Variants in OPRPN observed in about 807,000 individuals in gnomAD.
OPRPN encodes the protein opiorphin prepropeptide, also known as basic proline-rich lacrimal protein.
OPRPN carries 1 observed loss-of-function variant against 2.2 expected under a neutral mutation model. The observed-to-expected ratio is 0.45, with a 90% CI of 0.16 to 2.15. OPRPN has a LOEUF of 2.15. Among genes scored for constraint, OPRPN ranks in the 30% most tolerant of loss-of-function variants. The pLI, the probability that OPRPN is intolerant of heterozygous loss-of-function variation, is 0.28. For synonymous variants in OPRPN, 126 were observed against 111.5 expected, an observed-to-expected ratio of 1.13 and a Z score of -0.82; for missense variants, 306 against 297.3, an observed-to-expected ratio of 1.03 and a Z score of -0.21.
rs751440520 is a variant in OPRPN at position 70,409,594 on chromosome 4, C to G, written c.266C>G (p.Pro89Arg). The G allele has an allele frequency of 4.1e-5, 66 of 1,613,640 alleles. No homozygotes were observed. Among genetic ancestry groups the G allele is most frequent in the Non-Finnish European group, 5.0e-5 (59 of 1,179,686 alleles). The change falls in exon 3 of 3, where the codon CCA becomes CGA. Residue 89 changes from proline to arginine, a missense_variant. Pro to Arg is a moderately radical substitution (Grantham distance 103). Transcript: ENST00000399575. Reference sequence around the variant, plus strand: ...GCAGTCATTCTATCTCAACTCTTTCCATTGGAATCTATTAGACAACCTCGA... The same window carrying G: ...GCAGTCATTCTATCTCAACTCTTTCGATTGGAATCTATTAGACAACCTCGA... ...SQAVILSQLF[P>R]LESIRQPRLF... is the part of the protein sequence containing the mutation.
At chr4:70,405,225 AG>A (rs1190594814) in intron 2 of OPRPN, among the ~76,000 whole-genome samples, 1 of 152,192 alleles carries the variant, frequency 6.6e-6, no homozygotes, top group East Asian at 1.9e-4. Context: ...TCATTTGTCT[AG>A]GGTTATAATG....
intron 2 of OPRPN, among the ~76,000 whole-genome samples, chr4:70,405,741 G>C (rs1733074340): frequency 6.6e-6 from 1 of 152,010 alleles, no homozygotes; most frequent in Non-Finnish European, 1.5e-5. Context: ...AATTTCATTT[G>C]AGTCCACATT....
intron 2 of OPRPN, among the ~76,000 whole-genome samples, chr4:70,406,907 CAATA>C (rs1367361901): frequency 1.3e-5 from 2 of 152,100 alleles, no homozygotes; most frequent in African/African-American, 4.8e-5. Context: ...GCCAGGTTCT[CAATA>C]AATGTTTTCT....
Position 70,409,800 on chromosome 4 carries a change from C to T in OPRPN, c.472C>T (p.Pro158Ser). ...AGATACAACAATCACCACAAATCCC[C>T]CCACCACTGCAACAGCAACCACCAG... is the stretch of plus-strand genomic sequence containing the variant. ...TADTTITTNP[P>S]TTATATTSTS... is the part of the protein sequence containing the mutation. Residue 158 changes from proline to serine, a missense_variant, in exon 3 of 3, where the codon CCC becomes TCC. Pro to Ser is a moderately conservative substitution (Grantham distance 74). Coordinates refer to ENST00000399575, the MANE Select transcript of OPRPN (RefSeq NM_021225.5). The T allele has an allele frequency of 3.7e-6, 6 of 1,613,258 alleles. No homozygotes were observed. The highest frequency in any genetic ancestry group is 5.1e-6 in the Non-Finnish European group (6 of 1,179,568).
chr4:70,401,974 TA>T (rs919530674), intron 2 of OPRPN, among the ~76,000 whole-genome samples: 5 of 151,980 alleles, frequency 3.3e-5, no homozygotes, highest in Admixed American at 6.6e-5. Flanking sequence ...AATAGAAGTT[TA>T]AAAAAAGTAA....
At chr4:70,404,542 C>T (rs768436676) in intron 2 of OPRPN, among the ~76,000 whole-genome samples, 6 of 152,188 alleles carry the variant, frequency 3.9e-5, no homozygotes, top group Non-Finnish European at 8.8e-5. Flanking sequence ...CACCCTCCTG[C>T]TACCATTCTA....
At position 70,409,980 on chromosome 4, in the gene OPRPN, A is replaced by G. The variant is rs2109773943; in HGVS notation, c.652A>G (p.Asn218Asp). The change falls in exon 3 of 3, where the codon AAT (asparagine) becomes GAT (aspartate). Residue 218 changes from asparagine (N) to aspartate (D), a missense_variant. Transcript: ENST00000399575. ...CAACCGTCCTCACACAGTATTGCTCAATGCCACTGTCCAAGTTACGACTTC... is the reference window on the plus strand; with the variant it reads ...CAACCGTCCTCACACAGTATTGCTCGATGCCACTGTCCAAGTTACGACTTC... ...LANRPHTVLL[N>D]ATVQVTTSNQ... 3 of 1,613,162 alleles carry G rather than the reference A, an allele frequency of 1.9e-6. No homozygotes were observed. Among genetic ancestry groups the G allele is most frequent in the Admixed American group, 1.7e-5 (1 of 59,890 alleles).
At position 70,409,686 on chromosome 4, in the gene OPRPN, T is replaced by C. The variant is rs1163063172; in HGVS notation, c.358T>C (p.Leu120=). ...TTACTATGTAGGACCTATTAGGATA[T>C]TAAAACCCCCATTTCCTCCTATTCC... The part of the protein sequence containing the change: ...RPYYVGPIRI[L]KPPFPPIPFF... Residue 120 remains leucine, a synonymous_variant, in exon 3 of 3, where the codon TTA becomes CTA. Transcript: ENST00000399575. 6.2e-7 allele frequency: 1 copy of C among 1,613,862 alleles called. No individual in the cohort carries two copies. The highest frequency in any genetic ancestry group is 1.1e-5 in the South Asian group (1 of 91,044).
At chr4:70,408,092 A>G (rs1560534334) in intron 2 of OPRPN, among the ~76,000 whole-genome samples, 1 of 152,196 alleles carries the variant, frequency 6.6e-6, no homozygotes, top group Non-Finnish European at 1.5e-5. Context: ...TGTTGCTACC[A>G]TTAGAGATTG....
In OPRPN at chr4:70,410,114, C is replaced by G. The variant is rs1733196186; in HGVS notation, c.*39C>G. The stretch of plus-strand genomic sequence containing the variant: ...GATATTTTCCAAACTGCTCTGATAT[C>G]TTAGAAGAAATAAACTGCAATGATT... On this transcript the variant is annotated 3_prime_UTR_variant, in exon 3 of 3. Coordinates refer to ENST00000399575, the MANE Select transcript of OPRPN (RefSeq NM_021225.5). The G allele has an allele frequency of 1.4e-6, 2 of 1,425,046 alleles. No individual in the cohort carries two copies. The highest frequency in any genetic ancestry group is 1.9e-6 in the Non-Finnish European group (2 of 1,056,064). The allele number at this position is 1,425,046 out of a possible 1,614,324, so 88.3% of individuals were successfully genotyped here. A position where few individuals can be genotyped will look rare whatever the true frequency, so the allele number is the denominator to read the frequency against.
rs1733180627 is a variant in OPRPN, at chr4:70,409,790, C to T, written c.462C>T (p.Thr154=). 6.2e-7 allele frequency: 1 copy of T among 1,613,552 alleles called. No individual in the cohort carries two copies. Among genetic ancestry groups the T allele is most frequent in the Admixed American group, 1.7e-5 (1 of 59,934 alleles). The change falls in exon 3 of 3, where the codon ACC becomes ACT. Residue 154 remains threonine (T), a synonymous_variant. Transcript: ENST00000399575. ...INITTADTTI[T]TNPPTTATAT... ...TCACCACCGCAGATACAACAATCAC[C>T]ACAAATCCCCCCACCACTGCAACAG...
Position 70,409,985 on chromosome 4 carries a change from C to T in OPRPN, c.657C>T (p.Ala219=), listed in dbSNP as rs1229111190. 6.2e-7 allele frequency: 1 copy of T among 1,613,622 alleles called. No individual in the cohort carries two copies. The highest frequency in any genetic ancestry group is 1.7e-5 in the Admixed American group (1 of 59,932). ...GTCCTCACACAGTATTGCTCAATGC[C>T]ACTGTCCAAGTTACGACTTCCAACC... ...ANRPHTVLLN[A]TVQVTTSNQT... Residue 219 remains alanine (A), a synonymous_variant, in exon 3 of 3, where the codon GCC becomes GCT. Coordinates refer to ENST00000399575, the MANE Select transcript of OPRPN (RefSeq NM_021225.5).
intron 2 of OPRPN, among the ~76,000 whole-genome samples, chr4:70,404,712 TC>T (rs1290091315): frequency 1.3e-5 from 2 of 152,210 alleles, no homozygotes; most frequent in African/African-American, 4.8e-5. Context: ...CTAATGGTTT[TC>T]CATAAGACTT....
chr4:70,405,824 G>A (rs1378739707), intron 2 of OPRPN, among the ~76,000 whole-genome samples: 1 of 152,076 alleles, frequency 6.6e-6, no homozygotes, highest in Non-Finnish European at 1.5e-5. Flanking sequence ...CGCATTTTGG[G>A]AGGCCAAGGC....
chr4:70,409,696 C>T lies in OPRPN; in HGVS notation c.368C>T (p.Pro123Leu). Residue 123 changes from proline to leucine, a missense_variant, in exon 3 of 3, where the codon CCA becomes CTA. Pro to Leu is a moderately conservative substitution (Grantham distance 98). Transcript: ENST00000399575. ...YVGPIRILKP[P>L]FPPIPFFLAI... ...GGACCTATTAGGATATTAAAACCCC[C>T]ATTTCCTCCTATTCCTTTTTTTCTT... 2 of 1,613,596 alleles carry T rather than the reference C, an allele frequency of 1.2e-6. No homozygotes were observed. Among genetic ancestry groups the T allele is most frequent in the Non-Finnish European group, 1.7e-6 (2 of 1,179,666 alleles).
At chr4:70,404,300 C>T (rs1187857482) in intron 2 of OPRPN, among the ~76,000 whole-genome samples, 2 of 152,156 alleles carry the variant, frequency 1.3e-5, no homozygotes, top group East Asian at 3.8e-4. Flanking sequence ...TCAATGACGA[C>T]TCCTTGTTGG....
chr4:70,406,386 A>T (rs1733090591), intron 2 of OPRPN, among the ~76,000 whole-genome samples: 1 of 152,238 alleles, frequency 6.6e-6, no homozygotes, highest in Non-Finnish European at 1.5e-5. Context: ...ATATCAAAAC[A>T]AACAATTACT....
At chr4:70,399,464 C>T in intron 2 of OPRPN, 128 bp downstream of exon 2, 1 of 705,198 alleles carries the variant, frequency 1.4e-6, no homozygotes, top group Non-Finnish European at 2.3e-6. Context: ...TAATTATGGA[C>T]TTGCTCTTAC....
intron 2 of OPRPN, among the ~76,000 whole-genome samples, chr4:70,401,605 C>T (rs986101142): frequency 1.3e-5 from 2 of 152,012 alleles, no homozygotes; most frequent in Non-Finnish European, 2.9e-5. Context: ...TGAGACAAAC[C>T]CTCAATAAGT....
Sources: gnomAD v4.1 joint callset for allele counts (sites outside exome capture counted in the v4.1 genomes callset) on GRCh38, gnomAD v4.1.1 for gene constraint, MANE v1.5 for transcripts, NCBI Gene and HGNC (gene_info 2026-07-23, HGNC 2026-07-21) for gene names.